The following PHC2 variants were observed in gnomAD, a reference collection of about 807,000 sequenced individuals.
PHC2 encodes the protein polyhomeotic-like protein 2.
A neutral mutation model predicts 87.4 loss-of-function variants in PHC2; 29 were observed. The observed-to-expected ratio is 0.33, with a 90% confidence interval of 0.25 to 0.45. PHC2 has a LOEUF of 0.45. PHC2 is among the 20% of genes least tolerant of loss of function. The pLI, the probability that PHC2 is intolerant of heterozygous loss-of-function variation, is 1.00. For synonymous variants in PHC2, 438 were observed against 461.7 expected, an observed-to-expected ratio of 0.95 and a Z score of 0.66; for missense variants, 857 against 1,136.7, an observed-to-expected ratio of 0.75 and a Z score of 3.54.
At chr1:33,350,251 C>G (rs1646944450) in intron 9 of PHC2, 1 of 152,264 alleles carries the variant, frequency 6.6e-6, no homozygotes, top group African/African-American at 2.4e-5. Context: ...CCAAACCCTG[C>G]TCGCGCTGTC....
intron 1 of PHC2, among the ~76,000 whole-genome samples, chr1:33,380,927 G>C (rs1030796747): frequency 4.6e-5 from 7 of 152,146 alleles, no homozygotes; most frequent in Admixed American, 1.3e-4. Flanking sequence ...CAGGTCATTT[G>C]GAATTTGGCT....
At chr1:33,401,691 GT>G (rs1299072161) in intron 1 of PHC2, among the ~76,000 whole-genome samples, 1 of 152,190 alleles carries the variant, frequency 6.6e-6, no homozygotes, top group Non-Finnish European at 1.5e-5. Context: ...CCAAACAGAA[GT>G]TCCCAAAATA....
rs1647663558 is a variant in PHC2, at chr1:33,369,082, A to G, written c.577-460T>C. Among the ~76,000 whole-genome samples, 1 of 152,172 alleles carries G rather than the reference A, an allele frequency of 6.6e-6. No individual in the cohort carries two copies. Among genetic ancestry groups the G allele is most frequent in the Admixed American group, 6.5e-5 (1 of 15,290 alleles). The stretch of plus-strand genomic sequence containing the variant: ...CTGAACCCAGGGCTGAGCCAAGATG[A>G]GACTGCCCTCCAGGGGATCAAGTTC... On this transcript the variant is annotated intron_variant, in intron 5 of 14. Transcript: ENST00000683057. The surrounding 1 kb of genome is among the most constrained non-coding windows in gnomAD (Gnocchi z 4.7).
chr1:33,373,750 C>T (rs891610011), intron 2 of PHC2, among the ~76,000 whole-genome samples: 1 of 152,134 alleles, frequency 6.6e-6, no homozygotes, highest in South Asian at 2.1e-4. Context: ...TCTACCCTTA[C>T]CTCTGCTGAA....
chr1:33,428,912 C>T (rs143733718), intron 1 of PHC2, among the ~76,000 whole-genome samples: 6 of 152,326 alleles, frequency 3.9e-5, no homozygotes, highest in African/African-American at 1.4e-4. Context: ...TGCATGTGCA[C>T]GATTCATGGT....
At chr1:33,333,493 A>G (rs1646551236) in intron 10 of PHC2, 1 of 158,116 alleles carries the variant, frequency 6.3e-6, no homozygotes, top group African/African-American at 2.4e-5. Context: ...GCTTTGGTCA[A>G]TAACCCATCT....
chr1:33,401,985 A>G (rs1009525904), intron 1 of PHC2, among the ~76,000 whole-genome samples: 1 of 152,216 alleles, frequency 6.6e-6, no homozygotes, highest in African/African-American at 2.4e-5. Context: ...ATTTGACTAC[A>G]TTAAAAGAAA....
In PHC2 at chr1:33,393,427, A is replaced by T. The variant is rs189015854; in HGVS notation, c.-54-17834T>A. The stretch of plus-strand genomic sequence containing the variant: ...ATTTAAATGGTTGAACAAAACAATG[A>T]GAGAAGCCACATCACTTATAAGACC... On this transcript the variant is annotated intron_variant, in intron 1 of 14. Transcript: ENST00000683057. Among the ~76,000 whole-genome samples, 186 of 150,758 alleles carry T rather than the reference A, an allele frequency of 1.2e-3. 1 individual carries two copies. Among genetic ancestry groups the T allele is most frequent in the South Asian group, 3.6e-3 (17 of 4,752 alleles).
chr1:33,344,229 A>T (rs1416194856), intron 9 of PHC2, among the ~76,000 whole-genome samples: 1 of 152,236 alleles, frequency 6.6e-6, no homozygotes, highest in Non-Finnish European at 1.5e-5. Flanking sequence ...CGGTTTACAA[A>T]AGAAATCTAG....
intron 1 of PHC2, among the ~76,000 whole-genome samples, chr1:33,414,863 T>G (rs1013995233): frequency 1.3e-5 from 2 of 152,324 alleles, no homozygotes; most frequent in Non-Finnish European, 2.9e-5. Flanking sequence ...AGTCAATATG[T>G]AAGTTCTCTA....
At chr1:33,329,939 G>C in intron 13 of PHC2, 132 bp downstream of exon 13, 3 of 982,934 alleles carry the variant, frequency 3.1e-6, no homozygotes, top group South Asian at 1.5e-5. Context: ...CGACTGGACA[G>C]GTCTACAAGG....
intron 12 of PHC2, among the ~76,000 whole-genome samples, chr1:33,330,619 G>A (rs1646470555): frequency 1.3e-5 from 2 of 152,202 alleles, no homozygotes; most frequent in South Asian, 4.1e-4. Context: ...AATGAGGGCT[G>A]AAGATAGCTG....
In PHC2 at chr1:33,331,350, C is replaced by T. The variant is rs1469241436; in HGVS notation, c.2004G>A (p.Lys668=). ...TGGAGGGGGCTGGGGCCACTCACCT[C>T]TTTGCACAAGCCATGGAACAGAAGC... ...SKRFCSMACA[K]RYNVGCTKRV... The change falls in exon 12 of 15, where the codon AAG becomes AAA. Residue 668 remains lysine, a splice_region_variant and synonymous_variant. Coordinates refer to ENST00000683057, the MANE Select transcript of PHC2 (RefSeq NM_001385109.1). This position sits in a 1 kb window ranked among gnomAD's most constrained non-coding sequence, Gnocchi z 5.2. 8 of 1,578,780 alleles carry T rather than the reference C, an allele frequency of 5.1e-6. No individual in the cohort carries two copies. The highest frequency in any genetic ancestry group is 6.1e-6 in the Non-Finnish European group (7 of 1,148,914).
intron 1 of PHC2, among the ~76,000 whole-genome samples, chr1:33,402,873 TG>T (rs1340948681): frequency 3.3e-5 from 5 of 152,060 alleles, no homozygotes; most frequent in Non-Finnish European, 5.9e-5. Flanking sequence ...TGGCCCAGGC[TG>T]GAGTGCAGTG....
At chr1:33,378,084 G>A (rs1648274470) in intron 1 of PHC2, among the ~76,000 whole-genome samples, 1 of 152,198 alleles carries the variant, frequency 6.6e-6, no homozygotes, top group Non-Finnish European at 1.5e-5. Flanking sequence ...CCTTTGTCCT[G>A]AGCTGCACGC....
intron 1 of PHC2, among the ~76,000 whole-genome samples, chr1:33,423,061 C>G (rs1314994458): frequency 1.3e-5 from 2 of 152,040 alleles, no homozygotes; most frequent in Non-Finnish European, 2.9e-5. Context: ...TGGAAGGCGG[C>G]TGGGAAGTTC....
chr1:33,366,634 T>C (rs781663078), intron 7 of PHC2, among the ~76,000 whole-genome samples: 1 of 152,232 alleles, frequency 6.6e-6, no homozygotes, highest in Non-Finnish European at 1.5e-5. Flanking sequence ...CATTTATCTC[T>C]GCACACCTAG....
intron 1 of PHC2, among the ~76,000 whole-genome samples, chr1:33,409,451 T>C (rs1431766330): frequency 6.6e-6 from 1 of 152,174 alleles, no homozygotes; most frequent in Non-Finnish European, 1.5e-5. Flanking sequence ...TAGAAGGATA[T>C]AAAACAAAAC....
chr1:33,403,350 C>T (rs1649626709), intron 1 of PHC2, among the ~76,000 whole-genome samples: 1 of 151,702 alleles, frequency 6.6e-6, no homozygotes, highest in South Asian at 2.1e-4. Flanking sequence ...TGGTCTCGAT[C>T]TCTTGACCTC....
Sources: gnomAD v4.1 joint callset for allele counts (sites outside exome capture counted in the v4.1 genomes callset) on GRCh38, gnomAD v4.1.1 for gene constraint, Gnocchi (gnomAD v3.1) non-coding constraint, MANE v1.5 for transcripts, NCBI Gene and HGNC (gene_info 2026-07-23, HGNC 2026-07-21) for gene names.